MYO1E: variants seen among roughly 807,000 people sequenced by gnomAD.
MYO1E encodes myosin IE.
Under a neutral mutation model 151.1 loss-of-function variants are expected in MYO1E, and 68 were observed. That is an observed-to-expected ratio of 0.45 (90% CI 0.37 to 0.55). The LOEUF (loss-of-function observed/expected upper bound fraction) is 0.55, where lower values mean the gene tolerates loss of function less well. Ranked by LOEUF, MYO1E falls within the 20% of genes least tolerant of loss-of-function variation. The pLI, the probability that MYO1E is intolerant of heterozygous loss-of-function variation, is 0.00. For missense variants in MYO1E, 1,363 were observed against 1,389.3 expected, an observed-to-expected ratio of 0.98 and a Z score of 0.30; for synonymous variants, 601 against 501.7, an observed-to-expected ratio of 1.20 and a Z score of -2.64.
At chr15:59,236,363 A>ATATATATAT (rs1555413419) in intron 5 of MYO1E, among the ~76,000 whole-genome samples, 16 of 60,756 alleles carry the variant, frequency 2.6e-4, no homozygotes, top group African/African-American at 7.6e-4. Flanking sequence ...AAAAAAAAAA[A>ATATATATAT]ATATATACAC....
In MYO1E at chr15:59,146,333, T is replaced by C. The variant is rs529754303; in HGVS notation, c.3080+7257A>G. On this transcript the variant is annotated intron_variant, in intron 26 of 27. Coordinates refer to ENST00000288235, the MANE Select transcript of MYO1E (RefSeq NM_004998.4). ...TGTTTTTTGTTTTGTTTTGTTTTGTTTGAGACAGATCCTTGCTCTGTCACT... is the reference window on the plus strand; with the variant it reads ...TGTTTTTTGTTTTGTTTTGTTTTGTCTGAGACAGATCCTTGCTCTGTCACT... Among the ~76,000 whole-genome samples, 36 of 152,334 alleles carry C rather than the reference T, an allele frequency of 2.4e-4. No individual in the cohort carries two copies. The South Asian group carries it at 5.0e-3, about 21-fold the overall frequency.
intron 6 of MYO1E, among the ~76,000 whole-genome samples, chr15:59,229,256 G>C (rs1441103707): frequency 6.6e-6 from 1 of 152,194 alleles, no homozygotes; most frequent in East Asian, 1.9e-4. Context: ...ATGCCCCTTA[G>C]AAACACCTGG....
chr15:59,332,865 G>T (rs1335907424), intron 1 of MYO1E, among the ~76,000 whole-genome samples: 1 of 152,022 alleles, frequency 6.6e-6, no homozygotes, highest in African/African-American at 2.4e-5. Context: ...GACCGGCCCT[G>T]GGATTCTATT....
intron 1 of MYO1E, among the ~76,000 whole-genome samples, chr15:59,348,451 C>T (rs1186739213): frequency 6.6e-6 from 1 of 152,140 alleles, no homozygotes; most frequent in Non-Finnish European, 1.5e-5. Context: ...GGCTCTCAAC[C>T]TAGGCTGCTT....
At chr15:59,161,732 A>T (rs1422678580) in intron 23 of MYO1E, among the ~76,000 whole-genome samples, 3 of 152,186 alleles carry the variant, frequency 2.0e-5, no homozygotes, top group Non-Finnish European at 4.4e-5. Context: ...AGGGATGGAA[A>T]AAGACACACA....
chr15:59,313,620 C>G (rs950904821), intron 1 of MYO1E, among the ~76,000 whole-genome samples: 3 of 151,122 alleles, frequency 2.0e-5, no homozygotes, highest in African/African-American at 7.3e-5. Context: ...GCTCTTGTTT[C>G]TGAGAACCTC....
chr15:59,187,556 A>C (rs117926281), intron 18 of MYO1E, among the ~76,000 whole-genome samples: 125 of 152,390 alleles, frequency 8.2e-4, no homozygotes, highest in Non-Finnish European at 1.6e-3. Context: ...CAGAGTTACC[A>C]TATGACCAAG....
chr15:59,316,357 C>A (rs1468739806), intron 1 of MYO1E, among the ~76,000 whole-genome samples: 1 of 152,046 alleles, frequency 6.6e-6, no homozygotes, highest in Admixed American at 6.6e-5. Context: ...GCTTCCTTGC[C>A]GGCACCCATT....
chr15:59,202,870 T>G (rs1160001020), intron 15 of MYO1E, among the ~76,000 whole-genome samples: 3 of 152,066 alleles, frequency 2.0e-5, no homozygotes, highest in Non-Finnish European at 4.4e-5. Context: ...GCCTCCTGAG[T>G]AGCTGGCACT....
rs1204921773 is a variant in MYO1E, at chr15:59,323,986, A to C, written c.3+48512T>G. 1.8e-4 allele frequency among the ~76,000 whole-genome samples: 28 copies of C among 152,246 alleles called. No homozygotes were observed. The East Asian group carries it at 3.5e-3, about 19-fold the overall frequency. The stretch of plus-strand genomic sequence containing the variant: ...AGAAAGCCACCAAAGGCAGGAAAAA[A>C]AAAAACAAAAACGGAATCCTCGAGA... On this transcript the variant is annotated intron_variant, in intron 1 of 27. Coordinates refer to ENST00000288235, the MANE Select transcript of MYO1E (RefSeq NM_004998.4).
intron 1 of MYO1E, among the ~76,000 whole-genome samples, chr15:59,366,750 C>CT (rs1188609304): frequency 2.6e-5 from 4 of 152,054 alleles, no homozygotes; most frequent in Non-Finnish European, 4.4e-5. Flanking sequence ...GCCCCAAAAC[C>CT]TTTTGTCTCT....
intron 4 of MYO1E, among the ~76,000 whole-genome samples, chr15:59,241,501 G>C (rs1308382783): frequency 1.3e-5 from 2 of 152,190 alleles, no homozygotes; most frequent in East Asian, 3.9e-4. Flanking sequence ...AGAGCAGCAA[G>C]AGCAGCCTGG....
intron 1 of MYO1E, among the ~76,000 whole-genome samples, chr15:59,321,299 A>G (rs1261359804): frequency 6.6e-6 from 1 of 152,250 alleles, no homozygotes; most frequent in Non-Finnish European, 1.5e-5. Flanking sequence ...CTAAAACAGA[A>G]CTATCATTCA....
chr15:59,167,526 T>G (rs2140313643), intron 22 of MYO1E, among the ~76,000 whole-genome samples: 1 of 152,290 alleles, frequency 6.6e-6, no homozygotes, highest in Admixed American at 6.5e-5. Context: ...GGGAGGATCC[T>G]TCAAAAACCC....
intron 1 of MYO1E, among the ~76,000 whole-genome samples, chr15:59,329,495 T>G (rs1257091014): frequency 6.6e-6 from 1 of 152,190 alleles, no homozygotes. Flanking sequence ...ACATTTCGGG[T>G]AGCCCCAAAC....
Position 59,283,806 on chromosome 15 carries a change from T to C in MYO1E, c.4-11357A>G, listed in dbSNP as rs138724265. 4.5e-3 allele frequency among the ~76,000 whole-genome samples: 686 copies of C among 152,336 alleles called. 5 individuals carry two copies. The highest frequency in any genetic ancestry group is 0.015 in the African/African-American group (627 of 41,578). On this transcript the variant is annotated intron_variant, in intron 1 of 27. Coordinates refer to ENST00000288235, the MANE Select transcript of MYO1E (RefSeq NM_004998.4). ...GATCTTTGCCCTTAAACATTGTACC[T>C]ACTGCCTCTCATAATAAAGTAACAG... is the stretch of plus-strand genomic sequence containing the variant.
At chr15:59,276,988 G>A (rs2080322992) in intron 1 of MYO1E, among the ~76,000 whole-genome samples, 1 of 152,156 alleles carries the variant, frequency 6.6e-6, no homozygotes, top group East Asian at 1.9e-4. Flanking sequence ...ATGCATCTGG[G>A]AGAAAGGAGG....
At chr15:59,139,870 T>C (rs1445460937) in intron 26 of MYO1E, among the ~76,000 whole-genome samples, 1 of 145,734 alleles carries the variant, frequency 6.9e-6, no homozygotes, top group African/African-American at 2.6e-5. Context: ...CCCCTCATTA[T>C]TAATCCACAG....
At chr15:59,248,127 CAAAAAAAAAAAA>C (rs138467126) in intron 4 of MYO1E, among the ~76,000 whole-genome samples, 19 of 35,906 alleles carry the variant, frequency 5.3e-4, no homozygotes, top group African/African-American at 1.9e-3. Flanking sequence ...GACTCCGTCT[CAAAAAAAAAAAA>C]AAAAAAAAAA....
Sources: gnomAD v4.1 joint callset for allele counts (sites outside exome capture counted in the v4.1 genomes callset) on GRCh38, gnomAD v4.1.1 for gene constraint, MANE v1.5 for transcripts, NCBI Gene and HGNC (gene_info 2026-07-23, HGNC 2026-07-21) for gene names.